Variants in PRELID2 observed in about 807,000 individuals in gnomAD.
PRELID2 encodes PRELI domain-containing protein 2.
In PRELID2, 25 loss-of-function variants were observed where a neutral mutation model predicts 28.4. The observed-to-expected ratio is 0.88, with a 90% confidence interval of 0.64 to 1.23. The LOEUF is 1.23. Ranked by LOEUF, PRELID2 falls within the 50% of genes most tolerant of loss-of-function variation. PRELID2 has a pLI of 0.00. For synonymous variants in PRELID2, 76 were observed against 71.6 expected, an observed-to-expected ratio of 1.06 and a Z score of -0.31; for missense variants, 201 against 214.4, an observed-to-expected ratio of 0.94 and a Z score of 0.39.
At chr5:145,292,899 T>A in the PRELID2 span, among the ~76,000 whole-genome samples, 23 of 152,044 alleles carry the variant, frequency 1.5e-4, no homozygotes, top group Non-Finnish European at 2.8e-4. Flanking sequence ...TATTATTATT[T>A]TTTTTGAGAT....
In PRELID2 at chr5:145,630,122, T is replaced by TTAGATGCATGGATGGATGGA. The variant is rs755496433; in HGVS notation, n.70+134808_70+134809insTCCATCCATCCATGCATCTA. On this transcript the variant is annotated intron_variant and non_coding_transcript_variant, in intron 1 of 2. Coordinates refer to the PRELID2 transcript ENST00000510259. ...GAAAAGTGTGTACTCAAAAAAATGTTTGGATGCATGGATGGATGGATGGAT... is the reference window on the plus strand; with the variant it reads ...GAAAAGTGTGTACTCAAAAAAATGTTTAGATGCATGGATGGATGGATGGATGCATGGATGGATGGATGGAT... Among the ~76,000 whole-genome samples, 717 of 147,138 alleles carry TTAGATGCATGGATGGATGGA rather than the reference T, an allele frequency of 4.9e-3. 1 individual carries two copies. Among genetic ancestry groups the TTAGATGCATGGATGGATGGA allele is most frequent in the East Asian group, 0.015 (78 of 5,118 alleles).
At chr5:145,427,618 G>C in the PRELID2 span, among the ~76,000 whole-genome samples, 15 of 152,194 alleles carry the variant, frequency 9.9e-5, no homozygotes, top group Non-Finnish European at 2.1e-4. Context: ...TGTGCGGGAT[G>C]CTGTTGATAT....
chr5:145,813,929 G>A (rs1456446069), intron 4 of PRELID2, among the ~76,000 whole-genome samples: 1 of 152,160 alleles, frequency 6.6e-6, no homozygotes, highest in Admixed American at 6.5e-5. Flanking sequence ...GGGAAAATAT[G>A]TAATCATAGA....
chr5:145,639,811 T>C (rs1754068290), intron 1 of PRELID2, among the ~76,000 whole-genome samples: 1 of 152,196 alleles, frequency 6.6e-6, no homozygotes, highest in Non-Finnish European at 1.5e-5. Context: ...ATTTAATAAA[T>C]AGAAAAATTC....
intron 1 of PRELID2, among the ~76,000 whole-genome samples, chr5:145,657,108 A>G (rs1482380403): frequency 6.6e-6 from 1 of 152,138 alleles, no homozygotes; most frequent in Non-Finnish European, 1.5e-5. Context: ...TTGCTATTCA[A>G]AATTTTATTA....
intron 1 of PRELID2, among the ~76,000 whole-genome samples, chr5:145,628,988 G>T (rs1352253293): frequency 6.6e-6 from 1 of 152,182 alleles, no homozygotes; most frequent in Non-Finnish European, 1.5e-5. Flanking sequence ...AAGGAAGGTG[G>T]TTTGAAAATT....
At chr5:145,746,489 A>AAT (rs1308127562) in intron 1 of PRELID2, among the ~76,000 whole-genome samples, 1 of 152,146 alleles carries the variant, frequency 6.6e-6, no homozygotes, top group Non-Finnish European at 1.5e-5. Context: ...AACTGTTCTA[A>AAT]ATATATATAT....
chr5:145,745,634 G>A (rs1296499991), intron 1 of PRELID2, among the ~76,000 whole-genome samples: 1 of 152,054 alleles, frequency 6.6e-6, no homozygotes, highest in African/African-American at 2.4e-5. Flanking sequence ...GGCCGAGGAC[G>A]GCAGATCACC....
chr5:145,472,272 T>C (rs1752061523), intron 2 of PRELID2: 1 of 152,182 alleles, frequency 6.6e-6, no homozygotes, highest in Non-Finnish European at 1.5e-5. Flanking sequence ...CTAGAGCTTG[T>C]CCAGGACTTG....
rs1470159557 is a variant in PRELID2, at chr5:145,641,906, A to G, written n.70+123025T>C. On this transcript the variant is annotated intron_variant and non_coding_transcript_variant, in intron 1 of 2. Transcript: ENST00000510259. ...GTATGTGCCACATTTTCTTTATCCA[A>G]TCTATCCTTGATGGACATTTGGGTT... Among the ~76,000 whole-genome samples, 6 of 152,100 alleles carry G rather than the reference A, an allele frequency of 3.9e-5. No individual in the cohort carries two copies. The South Asian group carries it at 1.0e-3, about 26-fold the overall frequency.
In PRELID2 at chr5:145,823,110, C is replaced by T. The variant is rs1273739815; in HGVS notation, c.100G>A (p.Val34Ile). The T allele has an allele frequency of 1.3e-6, 2 of 1,533,474 alleles. No individual in the cohort carries two copies. Among genetic ancestry groups the T allele is most frequent in the African/African-American group, 1.4e-5 (1 of 73,170 alleles). 95.0% of individuals were successfully genotyped at this position (1,533,474 alleles called of 1,614,324 possible). Reference protein sequence around the residue: ...RKYPNPMDKNVISVKIMEEKR... With the variant: ...RKYPNPMDKNIISVKIMEEKR... ...TCCTCCATGATTTTTACTGAGATGA[C>T]ATTTTTATCCATGGGGTTGGGGTAC... The change falls in exon 2 of 7, where the codon GTC (valine) becomes ATC (isoleucine). Residue 34 changes from valine to isoleucine, a missense_variant. By Grantham distance (29) the Val-to-Ile change is conservative. Coordinates refer to ENST00000683046, the MANE Select transcript of PRELID2 (RefSeq NM_205846.3).
At chr5:145,229,827 A>T in the PRELID2 span, 1 of 760,136 alleles carries the variant, frequency 1.3e-6, no homozygotes, top group East Asian at 2.4e-5. Flanking sequence ...CCGCCCCTGC[A>T]TCGCCAAGTC....
At position 145,487,033 on chromosome 5, in the gene PRELID2, T is replaced by C. The variant is rs369457029; in HGVS notation, n.71-13718A>G. Among the ~76,000 whole-genome samples, 40 of 139,944 alleles carry C rather than the reference T, an allele frequency of 2.9e-4. No homozygotes were observed. The East Asian group carries it at 7.9e-3, about 28-fold the overall frequency. 91.8% of individuals were successfully genotyped at this position (139,944 alleles called of 152,430 possible). The stretch of plus-strand genomic sequence containing the variant: ...GCATATTCTCACTCATAGGTGGGAA[T>C]TGAACAATGAGATCACATGGACACA... On this transcript the variant is annotated intron_variant and non_coding_transcript_variant, in intron 1 of 2. Coordinates refer to the PRELID2 transcript ENST00000510259.
the PRELID2 span, among the ~76,000 whole-genome samples, chr5:145,426,654 A>G: frequency 6.6e-6 from 1 of 152,138 alleles, no homozygotes; most frequent in Non-Finnish European, 1.5e-5. Context: ...ATCTTGTGTG[A>G]CTTTTCCTAT....
At chr5:145,233,233 G>A in the PRELID2 span, among the ~76,000 whole-genome samples, 1 of 152,032 alleles carries the variant, frequency 6.6e-6, no homozygotes, top group Non-Finnish European at 1.5e-5. Flanking sequence ...TCTAAATCCA[G>A]TGCTATTTCC....
intron 1 of PRELID2, among the ~76,000 whole-genome samples, chr5:145,638,657 G>T (rs1581018767): frequency 6.6e-6 from 1 of 152,236 alleles, no homozygotes; most frequent in East Asian, 1.9e-4. Flanking sequence ...TTCCTTTTAA[G>T]CAGATCTGTC....
intron 1 of PRELID2, among the ~76,000 whole-genome samples, chr5:145,709,908 T>A (rs1022812316): frequency 2.6e-5 from 4 of 152,190 alleles, no homozygotes; most frequent in African/African-American, 4.8e-5. Flanking sequence ...CAATTCCAGT[T>A]TTCTTCTAAT....
chr5:145,406,176 AG>A, the PRELID2 span, among the ~76,000 whole-genome samples: 125 of 152,196 alleles, frequency 8.2e-4, 1 homozygote, highest in East Asian at 0.021. Flanking sequence ...CATGAGATTT[AG>A]GGGGGGAAAC....
chr5:145,303,095 T>C, the PRELID2 span, among the ~76,000 whole-genome samples: 3 of 152,206 alleles, frequency 2.0e-5, no homozygotes, highest in Non-Finnish European at 2.9e-5. Context: ...GAAGAGTTAC[T>C]TTACTTCTCT....
Sources: allele counts gnomAD v4.1 joint callset (sites outside exome capture counted in the v4.1 genomes callset), GRCh38; gene constraint gnomAD v4.1.1; transcripts MANE v1.5; gene names NCBI Gene and HGNC (gene_info 2026-07-23, HGNC 2026-07-21).